Variants in TRIO observed in about 807,000 individuals in gnomAD.
TRIO encodes trio Rho guanine nucleotide exchange factor.
In TRIO, 58 loss-of-function variants were observed where a neutral mutation model predicts 351.9. The ratio of observed to expected loss-of-function variants is 0.16; its 90% CI spans 0.13 to 0.21. TRIO has a LOEUF of 0.21. Among genes scored for constraint, TRIO ranks in the 10% least tolerant of loss-of-function variants. The pLI, the probability that TRIO is intolerant of heterozygous loss-of-function variation, is 1.00. For missense variants in TRIO, 3,201 were observed against 4,027.8 expected (o/e 0.79, Z 5.56); for synonymous variants, 1,758 against 1,595.7 (o/e 1.10, Z -2.42).
intron 1 of TRIO, among the ~76,000 whole-genome samples, chr5:14,185,516 A>T (rs915474054): frequency 3.9e-5 from 6 of 152,178 alleles, no homozygotes; most frequent in Non-Finnish European, 8.8e-5. Flanking sequence ...AGCTGGCTGG[A>T]TCCCTTGCCA....
chr5:14,295,290 A>G (rs1737250911), intron 6 of TRIO, among the ~76,000 whole-genome samples: 1 of 152,244 alleles, frequency 6.6e-6, no homozygotes, highest in South Asian at 2.1e-4. Flanking sequence ...AGATATTTAT[A>G]AAAACTATGA....
intron 1 of TRIO, among the ~76,000 whole-genome samples, chr5:14,198,016 C>G (rs1696577548): frequency 6.6e-6 from 1 of 152,124 alleles, no homozygotes; most frequent in Non-Finnish European, 1.5e-5. Flanking sequence ...TAGTCCAGAA[C>G]AAAGATAGTC....
chr5:14,198,439 T>A (rs909877943), intron 1 of TRIO, among the ~76,000 whole-genome samples: 3 of 152,186 alleles, frequency 2.0e-5, no homozygotes, highest in African/African-American at 7.2e-5. Context: ...AGATTTCAGA[T>A]CATCTGGTCC....
At chr5:14,353,600 C>T (rs1356413965) in intron 11 of TRIO, among the ~76,000 whole-genome samples, 1 of 152,080 alleles carries the variant, frequency 6.6e-6, no homozygotes, top group Non-Finnish European at 1.5e-5. Context: ...TTACCATGCC[C>T]ATTTTATAGA....
In TRIO at chr5:14,497,744, A is replaced by C; in HGVS notation, c.8020-103A>C. Reference sequence around the variant, plus strand: ...GTTTTGATTGATGCCCAGGCAAGTCAGTTTCTGCAAATCTTTCAACAATAA... The same window carrying C: ...GTTTTGATTGATGCCCAGGCAAGTCCGTTTCTGCAAATCTTTCAACAATAA... On this transcript the variant is annotated intron_variant, in intron 50 of 56. Coordinates refer to ENST00000344204, the MANE Select transcript of TRIO (RefSeq NM_007118.4). The surrounding 1 kb of genome is among the most constrained non-coding windows in gnomAD (Gnocchi z 4.4). The C allele has an allele frequency of 6.8e-7, 1 of 1,469,468 alleles. No individual in the cohort carries two copies. The highest frequency in any genetic ancestry group is 9.5e-7 in the Non-Finnish European group (1 of 1,050,632). The allele number at this position is 1,469,468 out of a possible 1,614,324, so 91.0% of individuals were successfully genotyped here.
At chr5:14,191,132 A>G (rs976994036) in intron 1 of TRIO, among the ~76,000 whole-genome samples, 1 of 152,194 alleles carries the variant, frequency 6.6e-6, no homozygotes, top group African/African-American at 2.4e-5. Flanking sequence ...TGTTCATTGC[A>G]TGGCTGGGTC....
At chr5:14,145,059 G>C (rs1404822830) in intron 1 of TRIO, among the ~76,000 whole-genome samples, 1 of 152,036 alleles carries the variant, frequency 6.6e-6, no homozygotes, top group Non-Finnish European at 1.5e-5. Context: ...TGCTGGTGGC[G>C]GCCTCGGGGA....
At chr5:14,219,369 T>A (rs148098095) in intron 1 of TRIO, among the ~76,000 whole-genome samples, 47 of 152,316 alleles carry the variant, frequency 3.1e-4, no homozygotes, top group African/African-American at 9.6e-4. Context: ...CTTGCTTTCC[T>A]TGTTGAAAAT....
At chr5:14,452,971 G>T (rs902253896) in intron 34 of TRIO, among the ~76,000 whole-genome samples, 2 of 151,992 alleles carry the variant, frequency 1.3e-5, no homozygotes, top group African/African-American at 4.8e-5. Context: ...AGCCTCTCTT[G>T]TCCTGGCAGT....
In TRIO at chr5:14,316,710, G is replaced by A. The variant is rs747007284; in HGVS notation, c.1698G>A (p.Leu566=). The change falls in exon 9 of 57, where the codon CTG becomes CTA. Residue 566 remains leucine (L), a synonymous_variant. Coordinates refer to ENST00000344204, the MANE Select transcript of TRIO (RefSeq NM_007118.4). The stretch of plus-strand genomic sequence containing the variant: ...GCAAGGTCCGGCTGCATCAGAGGCT[G>A]CAGCTGTGTGTTTTCCAGCAGGACG... ...QHRKVRLHQR[L]QLCVFQQDVQ... 3.7e-6 allele frequency: 6 copies of A among 1,614,122 alleles called. No individual in the cohort carries two copies. The South Asian group carries it at 4.4e-5, about 12-fold the overall frequency.
chr5:14,443,802 TAAGAG>T (rs1435480069), intron 34 of TRIO, among the ~76,000 whole-genome samples: 7 of 152,296 alleles, frequency 4.6e-5, no homozygotes, highest in Admixed American at 1.3e-4. Context: ...GTTAAGAAAA[TAAGAG>T]AAGGTAAGGT....
intron 1 of TRIO, among the ~76,000 whole-genome samples, chr5:14,185,931 G>A (rs1423297158): frequency 6.6e-6 from 1 of 152,184 alleles, no homozygotes; most frequent in Non-Finnish European, 1.5e-5. Context: ...CTCCGCCAGT[G>A]AAGAACTGTG....
chr5:14,316,093 C>G (rs1037215477), intron 8 of TRIO, among the ~76,000 whole-genome samples: 1 of 152,168 alleles, frequency 6.6e-6, no homozygotes, highest in African/African-American at 2.4e-5. Context: ...GCTGTATTCT[C>G]TTTAACATGT....
intron 1 of TRIO, among the ~76,000 whole-genome samples, chr5:14,194,358 G>A (rs543680905): frequency 2.5e-4 from 38 of 152,198 alleles, no homozygotes; most frequent in South Asian, 2.1e-3. Flanking sequence ...CATAAGGCTC[G>A]TATTATGTGA....
intron 1 of TRIO, among the ~76,000 whole-genome samples, chr5:14,242,026 C>T (rs1794156294): frequency 6.6e-6 from 1 of 152,200 alleles, no homozygotes; most frequent in African/African-American, 2.4e-5. Flanking sequence ...GGTCAAAACT[C>T]TTGCCTGTAT....
At chr5:14,436,633 C>T (rs1402261423) in intron 34 of TRIO, among the ~76,000 whole-genome samples, 1 of 152,200 alleles carries the variant, frequency 6.6e-6, no homozygotes, top group African/African-American at 2.4e-5. Flanking sequence ...TTCCTAGATA[C>T]GATGGGGGTA....
At chr5:14,463,002 GC>G in intron 36 of TRIO, 77 bp downstream of exon 36, 4 of 1,456,662 alleles carry the variant, frequency 2.7e-6, no homozygotes, top group Non-Finnish European at 3.6e-6. Flanking sequence ...CTTCACACCA[GC>G]CTCATTTCAG....
intron 1 of TRIO, among the ~76,000 whole-genome samples, chr5:14,250,080 CAA>C (rs1479279011): frequency 3.3e-5 from 5 of 152,202 alleles, no homozygotes; most frequent in Non-Finnish European, 4.4e-5. Context: ...ATTTTTGACA[CAA>C]AGGAGAAATA....
intron 1 of TRIO, among the ~76,000 whole-genome samples, chr5:14,199,462 T>C (rs1026107336): frequency 2.6e-5 from 4 of 152,154 alleles, no homozygotes; most frequent in African/African-American, 9.7e-5. Flanking sequence ...CTTAAGCTTA[T>C]TAGTTCTTGG....
Sources: allele counts gnomAD v4.1 joint callset (sites outside exome capture counted in the v4.1 genomes callset), GRCh38; gene constraint gnomAD v4.1.1; non-coding constraint Gnocchi (gnomAD v3.1); transcripts MANE v1.5; gene names NCBI Gene and HGNC (gene_info 2026-07-23, HGNC 2026-07-21).